The following WDR36 variants were observed in gnomAD, a reference collection of about 807,000 sequenced individuals.
The protein encoded by WDR36 is WD repeat-containing protein 36.
In WDR36, 63 loss-of-function variants were observed where a neutral mutation model predicts 112.7. The ratio of observed to expected loss-of-function variants is 0.56; its 90% confidence interval spans 0.46 to 0.69. WDR36 has a LOEUF of 0.69. Among genes scored for constraint, WDR36 ranks in the 30% least tolerant of loss-of-function variants. WDR36 has a pLI of 0.00. For missense variants in WDR36, 1,226 were observed against 1,070.3 expected (o/e 1.15, Z -2.03); for synonymous variants, 410 against 362.2 (o/e 1.13, Z -1.50).
At position 111,106,140 on chromosome 5, in the gene WDR36, G is replaced by A. The variant is rs35703638; in HGVS notation, c.1177G>A (p.Ala393Thr). Residue 393 changes from alanine (A) to threonine (T), a missense_variant, in exon 11 of 23, where the codon GCA becomes ACA. Physicochemically the swap from Ala to Thr is moderately conservative, Grantham distance 58. Coordinates refer to ENST00000513710, the MANE Select transcript of WDR36 (RefSeq NM_139281.3). ...VRLPPITKFA[A>T]EEARESDWDG... ...ACTTCCACCCATCACAAAGTTTGCAGCAGGTAAGTAACTTCAAACTGTGTT... is the reference window on the plus strand; with the variant it reads ...ACTTCCACCCATCACAAAGTTTGCAACAGGTAAGTAACTTCAAACTGTGTT... 9,818 of 1,609,244 alleles carry A rather than the reference G, an allele frequency of 6.1e-3. 147 individuals are homozygous for A. The highest frequency in any genetic ancestry group is 0.04 in the South Asian group (3,610 of 90,956).
chr5:111,101,285 A>G (rs1753115629), intron 5 of WDR36, among the ~76,000 whole-genome samples: 2 of 151,930 alleles, frequency 1.3e-5, no homozygotes, highest in African/African-American at 2.4e-5. Flanking sequence ...TAATGACCTA[A>G]TAACTGTAAA....
chr5:111,105,818 G>T (rs1753212185), intron 10 of WDR36, among the ~76,000 whole-genome samples: 1 of 151,400 alleles, frequency 6.6e-6, no homozygotes, highest in Non-Finnish European at 1.5e-5. Flanking sequence ...TAATTTTTAA[G>T]TTACTATCTT....
intron 1 of WDR36, among the ~76,000 whole-genome samples, chr5:111,093,121 C>T (rs1033679843): frequency 5.9e-5 from 9 of 152,218 alleles, no homozygotes; most frequent in Admixed American, 2.6e-4. Context: ...AAGTGTCTGG[C>T]ACTGTCACTC....
chr5:111,104,809 T>C lies in WDR36; in HGVS notation c.1019T>C (p.Leu340Pro). The change falls in exon 9 of 23, where the codon CTA becomes CCA. Residue 340 changes from leucine (L) to proline (P), a missense_variant. Physicochemically the swap from Leu to Pro is moderately conservative, Grantham distance 98. Transcript: ENST00000513710. ...RYYGQNGQQI[L>P]SASQDGTLQS... ...TATGGACAGAATGGACAGCAGATTC[T>C]AAGTGCAAGTGAGCTTCTGCTTCAT... 1 of 1,611,032 alleles carries C rather than the reference T, an allele frequency of 6.2e-7. No homozygotes were observed. The highest frequency in any genetic ancestry group is 8.5e-7 in the Non-Finnish European group (1 of 1,177,664).
chr5:111,114,081 C>T (rs1164367695), intron 16 of WDR36, among the ~76,000 whole-genome samples: 1 of 152,144 alleles, frequency 6.6e-6, no homozygotes, highest in Non-Finnish European at 1.5e-5. Flanking sequence ...AAATCTGTTT[C>T]ATGGGTTGAA....
Position 111,110,797 on chromosome 5 carries a change from G to T in WDR36, c.1451G>T (p.Gly484Val). Residue 484 changes from glycine (G) to valine (V), a missense_variant, in exon 14 of 23, where the codon GGA (glycine) becomes GTA (valine). Transcript: ENST00000513710. ...GACATCTACCTTACAGCTCACAAGG[G>T]ATCTGTTAGAGGTGTCGCAGTGGAT... is the stretch of plus-strand genomic sequence containing the variant. ...GSFGKDQAHK[G>V]SVRGVAVDGL... 2 of 1,610,714 alleles carry T rather than the reference G, an allele frequency of 1.2e-6. No homozygotes were observed. The highest frequency in any genetic ancestry group is 1.1e-5 in the South Asian group (1 of 90,950).
intron 11 of WDR36, among the ~76,000 whole-genome samples, chr5:111,106,816 C>T (rs1382916840): frequency 6.6e-6 from 1 of 151,248 alleles, no homozygotes; most frequent in Non-Finnish European, 1.5e-5. Context: ...ATTGCCTTGC[C>T]CTACTCCTAT....
At chr5:111,108,232 TTTTTG>T (rs1048087093) in intron 12 of WDR36, among the ~76,000 whole-genome samples, 3 of 151,238 alleles carry the variant, frequency 2.0e-5, no homozygotes, top group African/African-American at 7.2e-5. Flanking sequence ...AAGTAGAGTT[TTTTTG>T]TTTTGTTTTG....
intron 14 of WDR36, 63 bp downstream of exon 14, chr5:111,111,016 A>G: frequency 6.3e-7 from 1 of 1,593,430 alleles, no homozygotes; most frequent in Non-Finnish European, 8.6e-7. Flanking sequence ...TAAAGTCACA[A>G]TTTACCAAGT....
At chr5:111,122,397 A>G (rs941900232) in intron 19 of WDR36, among the ~76,000 whole-genome samples, 1 of 152,182 alleles carries the variant, frequency 6.6e-6, no homozygotes, top group Non-Finnish European at 1.5e-5. Flanking sequence ...AACCTCTAAT[A>G]TTTTTATTTT....
intron 21 of WDR36, 115 bp downstream of exon 21, chr5:111,124,304 A>G (rs2112591984): frequency 1.1e-6 from 1 of 930,412 alleles, no homozygotes; most frequent in Non-Finnish European, 1.5e-6. Flanking sequence ...AAAATCAAAA[A>G]GATTGAAATT....
chr5:111,126,500 G>GGA (rs1468304086), intron 22 of WDR36, among the ~76,000 whole-genome samples: 1 of 152,018 alleles, frequency 6.6e-6, no homozygotes, highest in Non-Finnish European at 1.5e-5. Context: ...GTCCTTAGGT[G>GGA]GAGAGGAGTG....
At position 111,098,816 on chromosome 5, in the gene WDR36, T is replaced by C; in HGVS notation, c.386T>C (p.Ile129Thr). 1 of 1,608,300 alleles carries C rather than the reference T, an allele frequency of 6.2e-7. No homozygotes were observed. Among genetic ancestry groups the C allele is most frequent in the Non-Finnish European group, 8.5e-7 (1 of 1,174,916 alleles). Residue 129 changes from isoleucine to threonine, a missense_variant, in exon 4 of 23, where the codon ATT (isoleucine) becomes ACT (threonine). Physicochemically the swap from Ile to Thr is moderately conservative, Grantham distance 89. Coordinates refer to ENST00000513710, the MANE Select transcript of WDR36 (RefSeq NM_139281.3). ...TCTGTTGATACTGATGGCATTCTTATTATTTGGCACATATATTCAGAAGGT... is the reference window on the plus strand; with the variant it reads ...TCTGTTGATACTGATGGCATTCTTACTATTTGGCACATATATTCAGAAGGT... ...IISVDTDGIL[I>T]IWHIYSEEEY... is the part of the protein sequence containing the mutation.
chr5:111,115,189 T>A (rs935186973), intron 16 of WDR36, among the ~76,000 whole-genome samples: 2 of 152,116 alleles, frequency 1.3e-5, no homozygotes, highest in Non-Finnish European at 2.9e-5. Context: ...TGTAATAAAA[T>A]GTACATTGAT....
intron 13 of WDR36, 68 bp from the exon 14 acceptor site, chr5:111,110,718 CTG>C: frequency 3.3e-6 from 5 of 1,492,624 alleles, no homozygotes; most frequent in Non-Finnish European, 4.6e-6. Flanking sequence ...GAAGGAATCA[CTG>C]TGTGTATTGT....
chr5:111,116,238 G>C (rs6881147), intron 16 of WDR36, among the ~76,000 whole-genome samples: 80,586 of 151,626 alleles, frequency 0.53, 22,324 homozygotes, highest in African/African-American at 0.68. Context: ...CATGAGCCAC[G>C]GTGCCCAGCC....
rs140126705 is a variant in WDR36 at position 111,111,294 on chromosome 5, A to G, written c.1716+16A>G. The G allele has an allele frequency of 1.3e-6, 2 of 1,593,050 alleles. No homozygotes were observed. Among genetic ancestry groups the G allele is most frequent in the African/African-American group, 1.3e-5 (1 of 74,452 alleles). On this transcript the variant is annotated intron_variant, in intron 15 of 22. Transcript: ENST00000513710. ...AAATGACATGGTAAAACAAACTCTAACTAATAAAACTTGACTCATTTCTAC... is the reference window on the plus strand; with the variant it reads ...AAATGACATGGTAAAACAAACTCTAGCTAATAAAACTTGACTCATTTCTAC...
At chr5:111,105,957 T>G (rs1000752115) in intron 10 of WDR36, 100 bp from the exon 11 acceptor site, 5 of 901,260 alleles carry the variant, frequency 5.5e-6, no homozygotes, top group African/African-American at 5.0e-5. Context: ...TGGGAATATC[T>G]TGTACTTTAT....
At chr5:111,106,638 T>G (rs1228173681) in intron 11 of WDR36, among the ~76,000 whole-genome samples, 2 of 151,372 alleles carry the variant, frequency 1.3e-5, no homozygotes, top group Non-Finnish European at 3.0e-5. Context: ...ATTTGAAAGT[T>G]GTTATTATGA....
Sources: allele counts gnomAD v4.1 joint callset (sites outside exome capture counted in the v4.1 genomes callset), GRCh38; gene constraint gnomAD v4.1.1; transcripts MANE v1.5; gene names NCBI Gene and HGNC (gene_info 2026-07-23, HGNC 2026-07-21).